DLG2: variants seen among roughly 807,000 people sequenced by gnomAD.
DLG2 encodes disks large homolog 2.
Under a neutral mutation model 132.5 loss-of-function variants are expected in DLG2, and 45 were observed. That is an observed-to-expected ratio of 0.34 (90% CI 0.27 to 0.44). The LOEUF (loss-of-function observed/expected upper bound fraction) is 0.44, where lower values mean the gene tolerates loss of function less well. DLG2 is among the 20% of genes least tolerant of loss of function. The pLI is 1.00. For synonymous variants in DLG2, 424 were observed against 419.6 expected, an observed-to-expected ratio of 1.01 and a Z score of -0.13; for missense variants, 1,045 against 1,196.9, an observed-to-expected ratio of 0.87 and a Z score of 1.87.
chr11:85,592,630 G>GA (rs976959999), intron 3 of DLG2, among the ~76,000 whole-genome samples: 3 of 152,004 alleles, frequency 2.0e-5, no homozygotes, highest in South Asian at 2.1e-4. Flanking sequence ...TATCCAAAGA[G>GA]AAAAAAATCC....
At chr11:84,640,973 A>C (rs1402682222) in intron 6 of DLG2, among the ~76,000 whole-genome samples, 1 of 151,810 alleles carries the variant, frequency 6.6e-6, no homozygotes, top group Admixed American at 6.6e-5. Context: ...AACAAAAAAA[A>C]AACAACTATT....
chr11:84,416,687 T>C (rs139083355), intron 7 of DLG2, among the ~76,000 whole-genome samples: 1 of 152,356 alleles, frequency 6.6e-6, no homozygotes, highest in Non-Finnish European at 1.5e-5. Flanking sequence ...AGTTTCCATA[T>C]ACATAAAACA....
At chr11:84,565,081 A>C (rs1257063239) in intron 6 of DLG2, among the ~76,000 whole-genome samples, 1 of 152,178 alleles carries the variant, frequency 6.6e-6, no homozygotes, top group African/African-American at 2.4e-5. Flanking sequence ...TCATTATACT[A>C]TAAAGCATTC....
At chr11:84,585,570 G>T (rs2099527663) in intron 6 of DLG2, among the ~76,000 whole-genome samples, 1 of 152,142 alleles carries the variant, frequency 6.6e-6, no homozygotes, top group South Asian at 2.1e-4. Flanking sequence ...TGCAGGAATT[G>T]CATTGAATCT....
intron 6 of DLG2, among the ~76,000 whole-genome samples, chr11:84,886,166 A>C (rs1048485857): frequency 1.3e-5 from 2 of 152,150 alleles, no homozygotes; most frequent in African/African-American, 4.8e-5. Context: ...ATACTGAAAT[A>C]TAAGCTAGGT....
intron 7 of DLG2, among the ~76,000 whole-genome samples, chr11:84,277,880 T>C (rs1259861816): frequency 6.6e-6 from 1 of 151,982 alleles, no homozygotes; most frequent in Non-Finnish European, 1.5e-5. Context: ...CCTACAAACA[T>C]GAGGAGCTAA....
intron 6 of DLG2, among the ~76,000 whole-genome samples, chr11:84,779,428 C>T (rs1161282563): frequency 8.5e-5 from 13 of 152,062 alleles, no homozygotes; most frequent in Non-Finnish European, 1.5e-5. Context: ...TACAACTTTA[C>T]TAAATTCACT....
chr11:84,793,935 T>C (rs758254493), intron 6 of DLG2, among the ~76,000 whole-genome samples: 8 of 152,212 alleles, frequency 5.3e-5, no homozygotes, highest in Non-Finnish European at 8.8e-5. Context: ...CCTGCTATTT[T>C]GTTATTTGTT....
intron 8 of DLG2, among the ~76,000 whole-genome samples, chr11:84,168,865 A>T (rs1472179680): frequency 2.6e-5 from 4 of 151,572 alleles, no homozygotes; most frequent in African/African-American, 9.7e-5. Flanking sequence ...ACACACACTC[A>T]TTTGCATTCC....
intron 7 of DLG2, among the ~76,000 whole-genome samples, chr11:84,403,193 C>G (rs989306724): frequency 6.6e-6 from 1 of 152,028 alleles, no homozygotes; most frequent in Non-Finnish European, 1.5e-5. Flanking sequence ...AAAATACAGT[C>G]CATTTGGGAG....
intron 26 of DLG2, 53 bp downstream of exon 26, chr11:83,466,655 T>A: frequency 1.0e-6 from 1 of 1,002,042 alleles, no homozygotes; most frequent in South Asian, 1.4e-5. Flanking sequence ...ATTTTCAGTA[T>A]AATACAGAAC....
chr11:84,273,469 C>A (rs535601326), intron 7 of DLG2, among the ~76,000 whole-genome samples: 23 of 152,180 alleles, frequency 1.5e-4, no homozygotes, highest in African/African-American at 5.3e-4. Flanking sequence ...ATGTTTTCAT[C>A]GGGAAGAATT....
chr11:85,292,944 T>C (rs2079005083), intron 3 of DLG2, among the ~76,000 whole-genome samples: 1 of 152,004 alleles, frequency 6.6e-6, no homozygotes, highest in South Asian at 2.1e-4. Context: ...TGCTCAAAAA[T>C]CACAGGATCA....
chr11:84,864,566 T>C (rs2084262922), intron 6 of DLG2, among the ~76,000 whole-genome samples: 1 of 152,164 alleles, frequency 6.6e-6, no homozygotes, highest in Non-Finnish European at 1.5e-5. Context: ...GTATTCTTTA[T>C]AAGCTTCAGA....
chr11:84,349,983 C>T (rs1027743774), intron 7 of DLG2, among the ~76,000 whole-genome samples: 3 of 152,106 alleles, frequency 2.0e-5, no homozygotes, highest in Admixed American at 6.5e-5. Flanking sequence ...GGAGACCATC[C>T]TAGCTAACAC....
At chr11:83,864,964 G>T (rs2062046479) in intron 16 of DLG2, among the ~76,000 whole-genome samples, 1 of 152,060 alleles carries the variant, frequency 6.6e-6, no homozygotes, top group South Asian at 2.1e-4. Context: ...GCCAGGCAAG[G>T]TACCAACAGA....
At chr11:83,605,252 G>A (rs183020131) in intron 19 of DLG2, among the ~76,000 whole-genome samples, 1 of 152,306 alleles carries the variant, frequency 6.6e-6, no homozygotes, top group African/African-American at 2.4e-5. Flanking sequence ...GTCTTTGGAT[G>A]AGATGCTGCC....
intron 6 of DLG2, among the ~76,000 whole-genome samples, chr11:84,912,494 C>T (rs1196425629): frequency 2.0e-5 from 3 of 152,232 alleles, no homozygotes; most frequent in Non-Finnish European, 2.9e-5. Flanking sequence ...ATGAATCTTG[C>T]ATATATCTGG....
chr11:83,594,785 A>G (rs2057278880), intron 19 of DLG2, among the ~76,000 whole-genome samples: 1 of 152,100 alleles, frequency 6.6e-6, no homozygotes, highest in African/African-American at 2.4e-5. Context: ...TTGGTCTTGG[A>G]AGGTTTGTAT....
Sources: gnomAD v4.1 joint callset for allele counts (sites outside exome capture counted in the v4.1 genomes callset) on GRCh38, gnomAD v4.1.1 for gene constraint, MANE v1.5 for transcripts, NCBI Gene and HGNC (gene_info 2026-07-23, HGNC 2026-07-21) for gene names.